The following NLRP11 variants were observed in gnomAD, a reference collection of about 807,000 sequenced individuals.
NLRP11 encodes the protein NACHT, LRR and PYD domains-containing protein 11.
A neutral mutation model predicts 79.3 loss-of-function variants in NLRP11; 53 were observed. The observed-to-expected ratio is 0.67, with a 90% CI of 0.54 to 0.84. NLRP11 has a LOEUF of 0.84. Among genes scored for constraint, NLRP11 ranks in the 40% least tolerant of loss-of-function variants. The pLI, the probability that NLRP11 is intolerant of heterozygous loss-of-function variation, is 0.00. For synonymous variants in NLRP11, 518 were observed against 462.6 expected, an observed-to-expected ratio of 1.12 and a Z score of -1.54; for missense variants, 1,264 against 1,255.0, an observed-to-expected ratio of 1.01 and a Z score of -0.11.
chr19:55,809,242 A>C lies in NLRP11; in HGVS notation c.1368T>G (p.Phe456Leu). 1.9e-6 allele frequency: 3 copies of C among 1,614,044 alleles called. No homozygotes were observed. The highest frequency in any genetic ancestry group is 2.5e-6 in the Non-Finnish European group (3 of 1,179,902). The change falls in exon 3 of 10, where the codon TTT becomes TTG. Residue 456 changes from phenylalanine (F) to leucine (L), a missense_variant. By Grantham distance (22) the Phe-to-Leu change is conservative. Transcript: ENST00000589093. This position sits in a 1 kb window ranked among gnomAD's most constrained non-coding sequence, Gnocchi z 4.5. ...CCATCAGAAATGCAATGGCTGTACA[A>C]AACTCCTGGACGTTCAAGTGTATGA...
At chr19:55,797,481 T>G (rs778642307) in intron 5 of NLRP11, among the ~76,000 whole-genome samples, 1 of 152,220 alleles carries the variant, frequency 6.6e-6, no homozygotes, top group Non-Finnish European at 1.5e-5. Context: ...ATGAAGTTCC[T>G]GGGATACAGC....
At chr19:55,810,026 G>T (rs753997906) in exon 3 of NLRP11, 5 of 1,614,040 alleles carry the variant, frequency 3.1e-6, no homozygotes, top group Middle Eastern at 1.6e-4. Context: ...GCTGCTGTTG[G>T]TCATCTGGTT....
At chr19:55,832,363 T>C (rs147584425), upstream of NLRP11, among the ~76,000 whole-genome samples, 184 of 152,316 alleles carry the variant, frequency 1.2e-3, no homozygotes, top group African/African-American at 4.4e-3. Context: ...CGCTGTCTAG[T>C]CTACATAACC....
At chr19:55,835,575 C>T (rs1383316925), upstream of NLRP11, among the ~76,000 whole-genome samples, 2 of 150,570 alleles carry the variant, frequency 1.3e-5, no homozygotes, top group Admixed American at 1.3e-4. Context: ...GGCACAGTGG[C>T]TCATGCCTGT....
At chr19:55,823,269 CCAT>C (rs1385840661) in intron 1 of NLRP11, among the ~76,000 whole-genome samples, 1 of 137,024 alleles carries the variant, frequency 7.3e-6, no homozygotes, top group Non-Finnish European at 1.5e-5. Context: ...CTGTACATCA[CCAT>C]CATCAAAGAC....
intron 5 of NLRP11, among the ~76,000 whole-genome samples, chr19:55,796,534 G>A (rs990898505): frequency 6.6e-6 from 1 of 152,036 alleles, no homozygotes; most frequent in African/African-American, 2.4e-5. Flanking sequence ...GGTAAGTCAG[G>A]TATCAAGCAT....
At chr19:55,820,954 A>G (rs1173088308) in intron 1 of NLRP11, among the ~76,000 whole-genome samples, 1 of 152,066 alleles carries the variant, frequency 6.6e-6, no homozygotes, top group East Asian at 1.9e-4. Flanking sequence ...GCCGTTGGCT[A>G]GCATCTGGAA....
rs1207408862 is a variant in NLRP11 at position 55,809,601 on chromosome 19, G to A, written c.1009C>T (p.Arg337Ter). Residue 337 changes from arginine (R) to a stop codon, truncating the protein, a stop_gained, in exon 3 of 10, where the codon CGA becomes TGA. Transcript: ENST00000589093. LOFTEE classifies it high-confidence loss of function. The surrounding 1 kb of genome is among the most constrained non-coding windows in gnomAD (Gnocchi z 4.5). ...GTGATCCAGCATAAGATGGCGACTC[G>A]GCACAGACCCACGAGTATTTCATCC... 4.3e-6 allele frequency: 7 copies of A among 1,614,164 alleles called. No homozygotes were observed. The highest frequency in any genetic ancestry group is 5.1e-6 in the Non-Finnish European group (6 of 1,180,022).
chr19:55,809,150 T>C lies in NLRP11; in HGVS notation c.1460A>G (p.Asp487Gly). 6.2e-7 allele frequency: 1 copy of C among 1,613,902 alleles called. No homozygotes were observed. Among genetic ancestry groups the C allele is most frequent in the Non-Finnish European group, 8.5e-7 (1 of 1,179,880 alleles). The change falls in exon 3 of 10, where the codon GAC becomes GGC. Residue 487 changes from aspartate to glycine, a missense_variant. Asp to Gly is a moderately conservative substitution (Grantham distance 94). Coordinates refer to ENST00000589093, the Ensembl canonical transcript of NLRP11. This position sits in a 1 kb window ranked among gnomAD's most constrained non-coding sequence, Gnocchi z 4.5. ...AATGAAAGTAAACACTTGATTAAAG[T>C]CAGAGTATTGTTCTCTCTTCTCTTT... is the stretch of plus-strand genomic sequence containing the variant.
intron 6 of NLRP11, among the ~76,000 whole-genome samples, chr19:55,793,147 C>T (rs569166506): frequency 3.3e-4 from 51 of 152,248 alleles, no homozygotes; most frequent in Non-Finnish European, 6.3e-4. Context: ...CCCAAAGTGC[C>T]GGAATTATAG....
intron 1 of NLRP11, among the ~76,000 whole-genome samples, chr19:55,823,342 A>G (rs1439749887): frequency 7.4e-6 from 1 of 135,492 alleles, no homozygotes; most frequent in African/African-American, 3.1e-5. Flanking sequence ...TGGAAACTCT[A>G]AAACGCAGAG....
At chr19:55,795,132 G>C (rs1308604083) in intron 6 of NLRP11, among the ~76,000 whole-genome samples, 2 of 151,908 alleles carry the variant, frequency 1.3e-5, no homozygotes, top group East Asian at 1.9e-4. Flanking sequence ...CCTCACTTTT[G>C]CCACTTTTTT....
At chr19:55,798,450 G>T in intron 5 of NLRP11, 1 of 410,762 alleles carries the variant, frequency 2.4e-6, no homozygotes, top group Non-Finnish European at 3.3e-6. Flanking sequence ...ACAGATGGGA[G>T]CTAAATGATG....
upstream of NLRP11, among the ~76,000 whole-genome samples, chr19:55,833,477 A>G (rs1322973617): frequency 1.3e-5 from 2 of 152,080 alleles, no homozygotes; most frequent in Non-Finnish European, 2.9e-5. Flanking sequence ...ATTAAGACTT[A>G]TTGGTTGGCC....
chr19:55,835,190 A>T (rs1236373061), upstream of NLRP11, among the ~76,000 whole-genome samples: 1 of 152,184 alleles, frequency 6.6e-6, no homozygotes, highest in Non-Finnish European at 1.5e-5. Flanking sequence ...GTAACACTGA[A>T]CTCAGGATTC....
chr19:55,829,540 G>A (rs1047880461), intron 1 of NLRP11, among the ~76,000 whole-genome samples: 14 of 151,658 alleles, frequency 9.2e-5, no homozygotes, highest in South Asian at 2.1e-4. Flanking sequence ...GGTGGCACGC[G>A]CCTGTAGTCC....
chr19:55,794,836 A>T (rs775549011), intron 6 of NLRP11, among the ~76,000 whole-genome samples: 9 of 152,244 alleles, frequency 5.9e-5, no homozygotes, highest in Non-Finnish European at 1.3e-4. Context: ...GTTATCCTGC[A>T]ATCAAACAAG....
chr19:55,817,272 C>T (rs116195077), intron 2 of NLRP11, among the ~76,000 whole-genome samples: 10,166 of 152,136 alleles, frequency 0.067, 891 homozygotes, highest in East Asian at 0.24. Flanking sequence ...GTGACTATTC[C>T]TTAAAGAACT....
At chr19:55,830,671 C>A (rs543287524) in intron 1 of NLRP11, among the ~76,000 whole-genome samples, 2 of 149,124 alleles carry the variant, frequency 1.3e-5, no homozygotes, top group African/African-American at 2.5e-5. Flanking sequence ...GGGCAAAATA[C>A]TTTTTTTACA....
Sources: gnomAD v4.1 joint callset for allele counts (sites outside exome capture counted in the v4.1 genomes callset) on GRCh38, gnomAD v4.1.1 for gene constraint, Gnocchi (gnomAD v3.1) non-coding constraint, MANE v1.5 for transcripts, NCBI Gene and HGNC (gene_info 2026-07-23, HGNC 2026-07-21) for gene names.